LMNTD2: variants seen among roughly 807,000 people sequenced by gnomAD.
The protein encoded by LMNTD2 is lamin tail domain-containing protein 2.
Under a neutral mutation model 70.1 loss-of-function variants are expected in LMNTD2, and 83 were observed. That is an observed-to-expected ratio of 1.18 (90% CI 0.99 to 1.42). The LOEUF is 1.42. Among genes scored for constraint, LMNTD2 ranks in the 40% most tolerant of loss-of-function variants. The pLI is 0.00. For synonymous variants in LMNTD2, 534 were observed against 406.1 expected (o/e 1.31, Z -3.79); for missense variants, 1,153 against 905.9 (o/e 1.27, Z -3.50).
Position 555,754 on chromosome 11 carries a change from C to T in LMNTD2, c.1554G>A (p.Arg518=). ...PLRKGRVREP[R]VSRRRPGTRG... is the part of the protein sequence containing the mutation. ...CCCACCCTGGTCTCCGGCGACTGAC[C>T]CGGGGCTCCCGCACCCGGCCTTTGC... The change falls in exon 12 of 14, where the codon CGG becomes CGA. Residue 518 remains arginine (R), a synonymous_variant. Coordinates refer to ENST00000329451, the MANE Select transcript of LMNTD2 (RefSeq NM_173573.3). 1 of 1,430,182 alleles carries T rather than the reference C, an allele frequency of 7.0e-7. No homozygotes were observed. Among genetic ancestry groups the T allele is most frequent in the Non-Finnish European group, 9.1e-7 (1 of 1,104,538 alleles). The allele number at this position is 1,430,182 out of a possible 1,614,324, so 88.6% of individuals were successfully genotyped here. A position where few individuals can be genotyped will look rare whatever the true frequency, so the allele number is the denominator to read the frequency against.
At chr11:555,568 GC>G (rs1852795552) in intron 12 of LMNTD2, 65 bp from the exon 13 acceptor site, 19 of 1,304,392 alleles carry the variant, frequency 1.5e-5, no homozygotes, top group Non-Finnish European at 1.9e-5. Flanking sequence ...AGGGCTCCGC[GC>G]CTGGGGCGGG....
At chr11:557,720 CTT>C (rs1266093571) in intron 5 of LMNTD2, 80 bp from the exon 6 acceptor site, 1 of 1,602,952 alleles carries the variant, frequency 6.2e-7, no homozygotes, top group Non-Finnish European at 8.5e-7. Flanking sequence ...CTCACCTGTG[CTT>C]TGAGGCCTCC....
chr11:556,731 C>T (rs1241602663), intron 8 of LMNTD2, 104 bp downstream of exon 8: 4 of 1,437,576 alleles, frequency 2.8e-6, no homozygotes, highest in African/African-American at 1.4e-5. Context: ...GGTGGCTGGA[C>T]CTTGGGGGCT....
chr11:557,632 C>T lies in LMNTD2; in HGVS notation c.564G>A (p.Thr188=), dbSNP rs150372027. The T allele has an allele frequency of 1.8e-4, 293 of 1,613,132 alleles. No individual in the cohort carries two copies. The highest frequency in any genetic ancestry group is 2.0e-4 in the Non-Finnish European group (234 of 1,179,850). Reference sequence around the variant, plus strand: ...CGCTTGGGTCCATCAGAGTCTCTGCCGTCACTACCTGCAAGAGGGGACCGG... The same window carrying T: ...CGCTTGGGTCCATCAGAGTCTCTGCTGTCACTACCTGCAAGAGGGGACCGG... The part of the protein sequence containing the change: ...RSQTGSVEVV[T]AETLMDPSDL... Residue 188 remains threonine (T), a synonymous_variant, in exon 6 of 14, where the codon ACG becomes ACA. Transcript: ENST00000329451.
chr11:555,803 G>A lies in LMNTD2; in HGVS notation c.1505C>T (p.Pro502Leu), dbSNP rs767128294. The A allele has an allele frequency of 2.0e-6, 3 of 1,524,076 alleles. No individual in the cohort carries two copies. Among genetic ancestry groups the A allele is most frequent in the East Asian group, 5.4e-5 (2 of 37,262 alleles). The allele number at this position is 1,524,076 out of a possible 1,614,324, so 94.4% of individuals were successfully genotyped here. A position where few individuals can be genotyped will look rare whatever the true frequency, so the allele number is the denominator to read the frequency against. The change falls in exon 12 of 14, where the codon CCG (proline) becomes CTG (leucine). Residue 502 changes from proline (P) to leucine (L), a missense_variant. Transcript: ENST00000329451. Reference sequence around the variant, plus strand: ...GCGCAGGGGTCGAGGTGGGCGCGGCGGCTTGCGGGTGTCGGCGCCGGGCCC... The same window carrying A: ...GCGCAGGGGTCGAGGTGGGCGCGGCAGCTTGCGGGTGTCGGCGCCGGGCCC... ...EAGPGADTRK[P>L]PRPPRPLRKG... is the part of the protein sequence containing the mutation.
chr11:558,269 G>A (rs1477058344), intron 3 of LMNTD2, 21 bp from the exon 4 acceptor site: 5 of 1,611,170 alleles, frequency 3.1e-6, no homozygotes, highest in Non-Finnish European at 4.2e-6. Context: ...GGTGACCTCA[G>A]CAGCCCCCAC....
At position 557,053 on chromosome 11, in the gene LMNTD2, G is replaced by A; in HGVS notation, c.758C>T (p.Ser253Phe). ...WPQLDTGSPE[S>F]SGKHSERHHK... is the part of the protein sequence containing the mutation. ...ATGCCGCTCGGAATGCTTTCCAGAG[G>A]ACTCTGGGCTCCCTGTGTCCAGCTG... Residue 253 changes from serine (S) to phenylalanine (F), a missense_variant, in exon 8 of 14, where the codon TCC becomes TTC. Transcript: ENST00000329451. 1 of 1,608,134 alleles carries A rather than the reference G, an allele frequency of 6.2e-7. No individual in the cohort carries two copies. Among genetic ancestry groups the A allele is most frequent in the Non-Finnish European group, 8.5e-7 (1 of 1,178,270 alleles).
chr11:554,998 G>A lies in LMNTD2; in HGVS notation c.1887C>T (p.Asp629=). Residue 629 remains aspartate (D), a synonymous_variant, in exon 14 of 14, where the codon GAC becomes GAT. Coordinates refer to ENST00000329451, the MANE Select transcript of LMNTD2 (RefSeq NM_173573.3). The part of the protein sequence containing the change: ...RFLSCLPVTA[D]TCRGA ...TCCGCCCCTAGGCGCCGCGGCAGGT[G>A]TCCGCGGTGACCGGCAGGCAGCTGA... 6.3e-7 allele frequency: 1 copy of A among 1,588,334 alleles called. No homozygotes were observed. The highest frequency in any genetic ancestry group is 8.5e-7 in the Non-Finnish European group (1 of 1,171,090).
chr11:556,459 C>A (rs745728507), intron 9 of LMNTD2, 33 bp downstream of exon 9: 4 of 1,548,974 alleles, frequency 2.6e-6, no homozygotes, highest in Non-Finnish European at 3.5e-6. Context: ...AGCTCCAGTC[C>A]GGCGCCGGAG....
chr11:558,559 G>A, intron 3 of LMNTD2, 55 bp downstream of exon 3: 1 of 1,545,558 alleles, frequency 6.5e-7, no homozygotes, highest in Non-Finnish European at 8.7e-7. Flanking sequence ...CAGAAACCAG[G>A]AGTCCGGGCG....
rs1328608824 is a variant in LMNTD2, at chr11:555,229, G to A, written c.1773+76C>T. 7 of 1,112,128 alleles carry A rather than the reference G, an allele frequency of 6.3e-6. No homozygotes were observed. In the South Asian group the frequency reaches 7.7e-5, roughly 12 times the overall value. The allele number at this position is 1,112,128 out of a possible 1,614,324, so 68.9% of individuals were successfully genotyped here. On this transcript the variant is annotated intron_variant, in intron 13 of 13. Coordinates refer to ENST00000329451, the MANE Select transcript of LMNTD2 (RefSeq NM_173573.3). Reference sequence around the variant, plus strand: ...GAGGGGAGGGGACGAGGAGACAGAGGGGAGGGAGGGGCGGGAGAGGAGAGG... The same window carrying A: ...GAGGGGAGGGGACGAGGAGACAGAGAGGAGGGAGGGGCGGGAGAGGAGAGG...
At chr11:559,295 CCTCTTT>C (rs1853127895) in intron 1 of LMNTD2, 2 of 1,448,132 alleles carry the variant, frequency 1.4e-6, no homozygotes, top group Non-Finnish European at 1.8e-6. Flanking sequence ...ATGTGGTGTC[CCTCTTT>C]CTCTCTCTTG....
rs200143254 is a variant in LMNTD2, at chr11:557,553, C to G, written c.624+19G>C. ...AGGGCTCCAGATACCAGACCACACA[C>G]GTGGGAGGCCTAGCTCACCTCCCCG... On this transcript the variant is annotated intron_variant, in intron 6 of 13. Transcript: ENST00000329451. 5.0e-6 allele frequency: 8 copies of G among 1,613,288 alleles called. No individual in the cohort carries two copies. The highest frequency in any genetic ancestry group is 1.6e-4 in the Middle Eastern group (1 of 6,084).
At chr11:556,617 G>A (rs536292317) in intron 8 of LMNTD2, 29 bp from the exon 9 acceptor site, 53 of 1,480,982 alleles carry the variant, frequency 3.6e-5, no homozygotes, top group Admixed American at 2.2e-4. Context: ...TTGGGGAGGG[G>A]ACCCTCGAAT....
Position 559,497 on chromosome 11 carries a change from G to T in LMNTD2, c.35-518C>A, listed in dbSNP as rs1427900100. 13 of 1,284,784 alleles carry T rather than the reference G, an allele frequency of 1.0e-5. No homozygotes were observed. In the East Asian group the frequency reaches 7.3e-4, roughly 73 times the overall value. The allele number at this position is 1,284,784 out of a possible 1,614,324, so 79.6% of individuals were successfully genotyped here. A position where few individuals can be genotyped will look rare whatever the true frequency, so the allele number is the denominator to read the frequency against. On this transcript the variant is annotated intron_variant, in intron 1 of 13. Transcript: ENST00000329451. ...CCTAGGTGAGTTCTGGGCCAGCCCAGCCTGGAGGAGGTGTGAGAGGCTGAG... is the reference window on the plus strand; with the variant it reads ...CCTAGGTGAGTTCTGGGCCAGCCCATCCTGGAGGAGGTGTGAGAGGCTGAG...
Position 556,553 on chromosome 11 carries a change from G to A in LMNTD2, c.1012C>T (p.Pro338Ser), listed in dbSNP as rs1315649062. ...QKTHSPRHGE[P>S]VLSPQPCTDP... ...GTGCAGGGCTGGGGCGACAGGACCG[G>A]CTCGCCGTGCCTGGGTGAGTGGGTT... is the stretch of plus-strand genomic sequence containing the variant. Residue 338 changes from proline to serine, a missense_variant, in exon 9 of 14, where the codon CCG becomes TCG. Pro to Ser is a moderately conservative substitution (Grantham distance 74). Coordinates refer to ENST00000329451, the MANE Select transcript of LMNTD2 (RefSeq NM_173573.3). The A allele has an allele frequency of 1.9e-6, 3 of 1,554,636 alleles. No homozygotes were observed. Among genetic ancestry groups the A allele is most frequent in the Non-Finnish European group, 1.7e-6 (2 of 1,151,484 alleles).
rs2134094008 is a variant in LMNTD2, at chr11:556,100, T to C, written c.1273A>G (p.Thr425Ala). The stretch of plus-strand genomic sequence containing the variant: ...CGCAGCGGCTTCTTGGCGCTGCGGG[T>C]CGCCTCGCCCCAGACCTGGAGGGGC... The part of the protein sequence containing the change: ...RHHVTVWGEA[T>A]RSAKKPLRAS... The change falls in exon 11 of 14, where the codon ACC becomes GCC. Residue 425 changes from threonine to alanine, a missense_variant. Coordinates refer to ENST00000329451, the MANE Select transcript of LMNTD2 (RefSeq NM_173573.3). 2 of 1,521,296 alleles carry C rather than the reference T, an allele frequency of 1.3e-6. No individual in the cohort carries two copies. The highest frequency in any genetic ancestry group is 1.4e-5 in the African/African-American group (1 of 69,440). The allele number at this position is 1,521,296 out of a possible 1,614,324, so 94.2% of individuals were successfully genotyped here. A position where few individuals can be genotyped will look rare whatever the true frequency, so the allele number is the denominator to read the frequency against.
In LMNTD2 at chr11:560,726, T is replaced by A; in HGVS notation, c.-10A>T. 7.0e-7 allele frequency: 1 copy of A among 1,431,940 alleles called. No homozygotes were observed. Among genetic ancestry groups the A allele is most frequent in the Non-Finnish European group, 9.2e-7 (1 of 1,085,390 alleles). The allele number at this position is 1,431,940 out of a possible 1,614,324, so 88.7% of individuals were successfully genotyped here. On this transcript the variant is annotated 5_prime_UTR_variant, in exon 1 of 14. Coordinates refer to ENST00000329451, the MANE Select transcript of LMNTD2 (RefSeq NM_173573.3). ...GCCGCAGCCACCGCATTTCCGCGTT[T>A]TTCGCGGTAGGCGGGAGGTGGGGGC...
chr11:555,247 AGGAGAGGAGGAGAACGAGGAG>A (rs1273897563), intron 13 of LMNTD2, 37 bp downstream of exon 13: 2 of 1,081,630 alleles, frequency 1.8e-6, no homozygotes, highest in African/African-American at 2.4e-5. Context: ...GGGGCGGGAG[AGGAGAGGAGGAGAACGAGGAG>A]GGAGAGGAGG....
Sources: gnomAD v4.1 joint callset for allele counts on GRCh38, gnomAD v4.1.1 for gene constraint, MANE v1.5 for transcripts, NCBI Gene and HGNC (gene_info 2026-07-23, HGNC 2026-07-21) for gene names.